CNTNAP5: variants seen among roughly 807,000 people sequenced by gnomAD.
The protein encoded by CNTNAP5 is contactin-associated protein-like 5.
In CNTNAP5, 72 loss-of-function variants were observed where a neutral mutation model predicts 150.2. The observed-to-expected ratio is 0.48, with a 90% confidence interval of 0.40 to 0.58. CNTNAP5 has a LOEUF of 0.58. Ranked by LOEUF, CNTNAP5 falls within the 20% of genes least tolerant of loss-of-function variation. CNTNAP5 has a pLI of 0.00. For missense variants in CNTNAP5, 1,636 were observed against 1,626.2 expected, an observed-to-expected ratio of 1.01 and a Z score of -0.10; for synonymous variants, 672 against 619.8, an observed-to-expected ratio of 1.08 and a Z score of -1.25.
At chr2:124,371,030 C>T (rs1690512971) in intron 3 of CNTNAP5, among the ~76,000 whole-genome samples, 1 of 152,024 alleles carries the variant, frequency 6.6e-6, no homozygotes, top group Admixed American at 6.6e-5. Flanking sequence ...ACTGTTTGTG[C>T]AGAATTTTCC....
At chr2:124,562,618 C>T (rs756482338) in intron 10 of CNTNAP5, among the ~76,000 whole-genome samples, 3 of 152,004 alleles carry the variant, frequency 2.0e-5, no homozygotes, top group Non-Finnish European at 2.9e-5. Context: ...AAATATTTTT[C>T]AGAATAGCCA....
chr2:124,189,420 A>G (rs1386779101), intron 1 of CNTNAP5, among the ~76,000 whole-genome samples: 12 of 152,140 alleles, frequency 7.9e-5, no homozygotes, highest in African/African-American at 2.9e-4. Context: ...GTCCTCACAC[A>G]CCTACCATGC....
chr2:124,033,692 C>CG (rs386391113), intron 1 of CNTNAP5, among the ~76,000 whole-genome samples: 1 of 151,658 alleles, frequency 6.6e-6, no homozygotes, highest in African/African-American at 2.4e-5. Flanking sequence ...GGCCTGGTGC[C>CG]ACAGGGAACC....
intron 1 of CNTNAP5, among the ~76,000 whole-genome samples, chr2:124,110,515 G>A (rs1683270916): frequency 6.6e-6 from 1 of 152,130 alleles, no homozygotes; most frequent in African/African-American, 2.4e-5. Flanking sequence ...AATTATTATG[G>A]CTGTCAGATG....
chr2:124,768,792 C>T (rs1018540322), intron 16 of CNTNAP5, among the ~76,000 whole-genome samples: 1 of 152,048 alleles, frequency 6.6e-6, no homozygotes, highest in Non-Finnish European at 1.5e-5. Flanking sequence ...AGAGAACATA[C>T]AATTATTTAC....
At chr2:124,578,883 T>C (rs575298353) in intron 11 of CNTNAP5, among the ~76,000 whole-genome samples, 2 of 152,336 alleles carry the variant, frequency 1.3e-5, no homozygotes, top group South Asian at 2.1e-4. Flanking sequence ...TCTATTATCA[T>C]GACACTCTTT....
chr2:124,690,932 C>A (rs564984490), intron 13 of CNTNAP5, among the ~76,000 whole-genome samples: 3 of 152,136 alleles, frequency 2.0e-5, no homozygotes, highest in African/African-American at 7.2e-5. Context: ...TCAAGGTTTG[C>A]AGAAAATCAA....
At chr2:124,441,250 A>T (rs1692665463) in intron 5 of CNTNAP5, among the ~76,000 whole-genome samples, 1 of 152,078 alleles carries the variant, frequency 6.6e-6, no homozygotes, top group Admixed American at 6.6e-5. Context: ...TTCCCAAGAG[A>T]CTCAATAATT....
At chr2:124,413,431 C>T (rs1344630493) in intron 3 of CNTNAP5, among the ~76,000 whole-genome samples, 10 of 138,242 alleles carry the variant, frequency 7.2e-5, no homozygotes, top group Middle Eastern at 3.6e-3. Context: ...CACATGCACA[C>T]GTATGTTTAT....
intron 4 of CNTNAP5, among the ~76,000 whole-genome samples, chr2:124,427,762 C>T (rs1476302554): frequency 6.6e-6 from 1 of 152,002 alleles, no homozygotes; most frequent in South Asian, 2.1e-4. Context: ...CGGCCAAACC[C>T]ATATTATTTT....
chr2:124,700,825 ATAT>A (rs781774169), intron 13 of CNTNAP5, among the ~76,000 whole-genome samples: 1 of 152,060 alleles, frequency 6.6e-6, no homozygotes, highest in Non-Finnish European at 1.5e-5. Context: ...ACAAAACATG[ATAT>A]TATGAGATAC....
At chr2:124,518,845 C>T (rs147635186) in intron 8 of CNTNAP5, among the ~76,000 whole-genome samples, 3,593 of 151,506 alleles carry the variant, frequency 0.024, 88 homozygotes, top group African/African-American at 0.056. Flanking sequence ...AAAAATTACC[C>T]TGGCGTGGTG....
intron 13 of CNTNAP5, among the ~76,000 whole-genome samples, chr2:124,705,412 C>A (rs530362485): frequency 5.9e-5 from 9 of 152,208 alleles, no homozygotes; most frequent in African/African-American, 2.2e-4. Flanking sequence ...CCTGTAATCC[C>A]AGCTACTAGG....
intron 13 of CNTNAP5, among the ~76,000 whole-genome samples, chr2:124,721,646 C>A (rs1256468131): frequency 6.6e-6 from 1 of 151,954 alleles, no homozygotes; most frequent in Non-Finnish European, 1.5e-5. Context: ...AAATGTATTA[C>A]CCTATTTATT....
At chr2:124,620,074 A>G (rs1677580074) in intron 12 of CNTNAP5, among the ~76,000 whole-genome samples, 1 of 151,650 alleles carries the variant, frequency 6.6e-6, no homozygotes, top group Non-Finnish European at 1.5e-5. Context: ...ACACTGCATT[A>G]TAATGCAGTG....
At chr2:124,624,574 T>TA (rs1299013406) in intron 12 of CNTNAP5, among the ~76,000 whole-genome samples, 1 of 152,240 alleles carries the variant, frequency 6.6e-6, no homozygotes, top group African/African-American at 2.4e-5. Flanking sequence ...ATTCAGAAAT[T>TA]AAGTAATTCA....
rs183357451 is a variant in CNTNAP5, at chr2:124,700,545, T to C, written c.2078-46684T>C. Among the ~76,000 whole-genome samples the C allele has an allele frequency of 2.6e-3, 389 of 152,260 alleles. 3 individuals are homozygous for C. Among genetic ancestry groups the C allele is most frequent in the African/African-American group, 9.0e-3 (374 of 41,574 alleles). On this transcript the variant is annotated intron_variant, in intron 13 of 23. Coordinates refer to ENST00000682447, the MANE Select transcript of CNTNAP5 (RefSeq NM_001367498.1). Reference sequence around the variant, plus strand: ...TGTCATTGTCTTTTTATTATAGTTATCCTAGTGGGTGTGAAATGGCATCTC... The same window carrying C: ...TGTCATTGTCTTTTTATTATAGTTACCCTAGTGGGTGTGAAATGGCATCTC...
rs1692237250 is a variant in CNTNAP5, at chr2:124,426,303, T to C, written c.530-8181T>C. On this transcript the variant is annotated intron_variant, in intron 4 of 23. Transcript: ENST00000682447. ...TTGGAAACTTTCCTCATTTTCATAG[T>C]TCATCTGAGGTAATCAGAGTTACTG... 2.0e-5 allele frequency among the ~76,000 whole-genome samples: 3 copies of C among 152,212 alleles called. No homozygotes were observed. The South Asian group carries it at 6.2e-4, about 32-fold the overall frequency.
intron 19 of CNTNAP5, among the ~76,000 whole-genome samples, chr2:124,840,207 T>G (rs1287691024): frequency 2.0e-5 from 3 of 152,078 alleles, no homozygotes; most frequent in African/African-American, 7.2e-5. Flanking sequence ...TGGACTTTAC[T>G]GTGTTGATAG....
Sources: allele counts gnomAD v4.1 joint callset (sites outside exome capture counted in the v4.1 genomes callset), GRCh38; gene constraint gnomAD v4.1.1; transcripts MANE v1.5; gene names NCBI Gene and HGNC (gene_info 2026-07-23, HGNC 2026-07-21).